TCF20: variants seen among roughly 807,000 people sequenced by gnomAD.
TCF20 encodes the protein SPRE-binding protein.
A neutral mutation model predicts 148.6 loss-of-function variants in TCF20; 3 were observed. That is an observed-to-expected ratio of 0.02 (90% CI 0.01 to 0.05). The LOEUF is 0.05. Ranked by LOEUF, TCF20 falls within the 10% of genes least tolerant of loss-of-function variation. TCF20 has a pLI of 1.00. For synonymous variants in TCF20, 1,049 were observed against 909.5 expected, an observed-to-expected ratio of 1.15 and a Z score of -2.76; for missense variants, 2,350 against 2,429.3, an observed-to-expected ratio of 0.97 and a Z score of 0.69.
chr22:42,228,783 C>T (rs1923135460), intron 1 of TCF20, among the ~76,000 whole-genome samples: 1 of 152,070 alleles, frequency 6.6e-6, no homozygotes, highest in Non-Finnish European at 1.5e-5. Flanking sequence ...GTATTTAAAG[C>T]CAACAGAGTA....
intron 1 of TCF20, among the ~76,000 whole-genome samples, chr22:42,230,013 C>A (rs2147273419): frequency 6.6e-6 from 1 of 152,320 alleles, no homozygotes; most frequent in African/African-American, 2.4e-5. Flanking sequence ...ATCCAGCTTG[C>A]ATTTCAGCAT....
rs1250851480 is a variant in TCF20 at position 42,290,603 on chromosome 22, G to C, written c.-37+52876C>G. Among the ~76,000 whole-genome samples, 2 of 152,158 alleles carry C rather than the reference G, an allele frequency of 1.3e-5. No individual in the cohort carries two copies. The highest frequency in any genetic ancestry group is 2.9e-5 in the Non-Finnish European group (2 of 68,020). ...GCCAAGGGCAGGCTGGGAGGGAAAG[G>C]CTTCTGGTTTCTGGAGGGTACCAGA... is the stretch of plus-strand genomic sequence containing the variant. On this transcript the variant is annotated intron_variant, in intron 1 of 1. Transcript: ENST00000515426. This position sits in a 1 kb window ranked among gnomAD's most constrained non-coding sequence, Gnocchi z 4.2.
At chr22:42,239,247 C>A (rs1394702167) in intron 1 of TCF20, among the ~76,000 whole-genome samples, 1 of 151,610 alleles carries the variant, frequency 6.6e-6, no homozygotes, top group African/African-American at 2.4e-5. Context: ...GAGGCCGAAG[C>A]GGGTGGATCA....
At chr22:42,245,163 C>A (rs1924799311) in intron 1 of TCF20, among the ~76,000 whole-genome samples, 1 of 152,142 alleles carries the variant, frequency 6.6e-6, no homozygotes, top group Non-Finnish European at 1.5e-5. Context: ...GCAAGTAATT[C>A]ATTACATAGT....
chr22:42,270,740 C>A (rs1329116989), upstream of TCF20, among the ~76,000 whole-genome samples: 1 of 140,064 alleles, frequency 7.1e-6, no homozygotes, highest in East Asian at 2.1e-4. Context: ...CGGGGCGGGG[C>A]GCGCGGCGGG....
At chr22:42,217,047 G>A (rs936528057) in intron 1 of TCF20, among the ~76,000 whole-genome samples, 2 of 152,194 alleles carry the variant, frequency 1.3e-5, no homozygotes, top group African/African-American at 4.8e-5. Flanking sequence ...TCCCCTGAAG[G>A]GGAGCTGAAA....
chr22:42,265,508 G>A (rs908168497), intron 1 of TCF20, among the ~76,000 whole-genome samples: 1 of 152,070 alleles, frequency 6.6e-6, no homozygotes, highest in African/African-American at 2.4e-5. Context: ...TCACTATGTT[G>A]CCCAGGCTTA....
chr22:42,253,101 T>C (rs1404654951), intron 1 of TCF20, among the ~76,000 whole-genome samples: 1 of 152,208 alleles, frequency 6.6e-6, no homozygotes, highest in Non-Finnish European at 1.5e-5. Flanking sequence ...ACTAAGGCTT[T>C]ATTCATTTAT....
At chr22:42,308,639 G>C (rs1927477987) in intron 1 of TCF20, among the ~76,000 whole-genome samples, 4 of 152,166 alleles carry the variant, frequency 2.6e-5, no homozygotes, top group Admixed American at 2.6e-4. Flanking sequence ...ATCTGGGAAT[G>C]AAAGAAGGAA....
At chr22:42,308,552 C>A (rs1332158685) in intron 1 of TCF20, among the ~76,000 whole-genome samples, 1 of 152,102 alleles carries the variant, frequency 6.6e-6, no homozygotes, top group Middle Eastern at 3.2e-3. Context: ...GAATCCAACC[C>A]CAGAGTCTGG....
At chr22:42,282,157 A>G (rs1242597581) in intron 1 of TCF20, among the ~76,000 whole-genome samples, 2 of 152,210 alleles carry the variant, frequency 1.3e-5, no homozygotes, top group African/African-American at 2.4e-5. Context: ...GGAGAGCCAC[A>G]GCCTTCCCCT....
At chr22:42,282,862 G>C (rs1396878567) in intron 1 of TCF20, among the ~76,000 whole-genome samples, 2 of 150,946 alleles carry the variant, frequency 1.3e-5, no homozygotes, top group Non-Finnish European at 3.0e-5. Flanking sequence ...AATGCAAGAA[G>C]CACACGCCAG....
chr22:42,270,701 G>A (rs1235525326), upstream of TCF20, among the ~76,000 whole-genome samples: 3 of 141,120 alleles, frequency 2.1e-5, no homozygotes, highest in Admixed American at 2.1e-4. Context: ...TCCGGGCCGC[G>A]GCGCGCGGGC....
intron 5 of TCF20, among the ~76,000 whole-genome samples, chr22:42,162,986 T>C (rs944611781): frequency 6.6e-6 from 1 of 152,184 alleles, no homozygotes; most frequent in African/African-American, 2.4e-5. Context: ...GTTGAGCTAA[T>C]GGGCACCTAC....
intron 1 of TCF20, among the ~76,000 whole-genome samples, chr22:42,245,976 T>C (rs373763718): frequency 7.4e-4 from 113 of 152,272 alleles, no homozygotes; most frequent in African/African-American, 2.4e-3. Context: ...CACAATACTG[T>C]TGAACACCCT....
chr22:42,278,701 G>C (rs958338915), intron 1 of TCF20: 2 of 152,280 alleles, frequency 1.3e-5, no homozygotes, highest in African/African-American at 4.8e-5. Context: ...CATTCCTAGA[G>C]CTCTCCCGCC....
At chr22:42,216,515 C>CTCT (rs1445380988) in intron 1 of TCF20, among the ~76,000 whole-genome samples, 1 of 152,160 alleles carries the variant, frequency 6.6e-6, no homozygotes, top group Non-Finnish European at 1.5e-5. Flanking sequence ...TACAGCACCC[C>CTCT]TCTCTCCACC....
At chr22:42,237,597 G>A (rs1002041806) in intron 1 of TCF20, among the ~76,000 whole-genome samples, 14 of 152,158 alleles carry the variant, frequency 9.2e-5, no homozygotes, top group African/African-American at 3.1e-4. Flanking sequence ...ACTCTGCCCA[G>A]ACCCACTAGA....
At position 42,212,335 on chromosome 22, in the gene TCF20, C is replaced by G. The variant is rs951575214; in HGVS notation, c.2971G>C (p.Val991Leu). 5.0e-6 allele frequency: 8 copies of G among 1,614,222 alleles called. No homozygotes were observed. Among genetic ancestry groups the G allele is most frequent in the Non-Finnish European group, 6.8e-6 (8 of 1,180,038 alleles). Residue 991 changes from valine (V) to leucine (L), a missense_variant, in exon 2 of 6, where the codon GTC becomes CTC. Transcript: ENST00000677622. ...QDSRPTPMRRVPGRVGGREGM... is the reference protein window; with the variant it reads ...QDSRPTPMRRLPGRVGGREGM... ...TCCCGACCACCAACTCTGCCAGGGA[C>G]CCGCCGCATTGGCGTGGGTCTGCTG...
Sources: gnomAD v4.1 joint callset for allele counts (sites outside exome capture counted in the v4.1 genomes callset) on GRCh38, gnomAD v4.1.1 for gene constraint, Gnocchi (gnomAD v3.1) non-coding constraint, MANE v1.5 for transcripts, NCBI Gene and HGNC (gene_info 2026-07-23, HGNC 2026-07-21) for gene names.